Variants in TTLL13 observed in about 807,000 individuals in gnomAD.
TTLL13 encodes tubulin polyglutamylase TTLL13.
chr15:90,258,691 C>T, the TTLL13 span: 4 of 1,506,430 alleles, frequency 2.7e-6, no homozygotes, highest in South Asian at 4.5e-5. Flanking sequence ...CAAGAGGCCA[C>T]CACCTGCTCA....
chr15:90,259,038 T>C, the TTLL13 span: 14 of 1,573,576 alleles, frequency 8.9e-6, no homozygotes, highest in Non-Finnish European at 1.2e-5. Flanking sequence ...AAACAACTTT[T>C]TGCATAGATA....
At chr15:90,262,407 T>A in the TTLL13 span, 1 of 1,360,790 alleles carries the variant, frequency 7.3e-7, no homozygotes, top group South Asian at 1.6e-5. Flanking sequence ...TGTAATTTCC[T>A]GCTCTTTCCT....
chr15:90,256,988 T>C, the TTLL13 span: 3 of 768,266 alleles, frequency 3.9e-6, no homozygotes, highest in Middle Eastern at 2.5e-4. Context: ...GCCTGGCCTC[T>C]CCTCATTTAT....
chr15:90,261,067 C>CT, the TTLL13 span, among the ~76,000 whole-genome samples: 2 of 150,720 alleles, frequency 1.3e-5, no homozygotes, highest in Non-Finnish European at 1.5e-5. Context: ...CGTATATTAC[C>CT]TTTTTTTCTT....
the TTLL13 span, chr15:90,258,856 G>T: frequency 6.2e-7 from 1 of 1,614,212 alleles, no homozygotes. Flanking sequence ...ACAAAAGGAA[G>T]GTGATGGAGG....
chr15:90,258,301 A>G, the TTLL13 span: 1 of 1,602,274 alleles, frequency 6.2e-7, no homozygotes, highest in Non-Finnish European at 8.6e-7. Flanking sequence ...TTGCAAAACC[A>G]AGGTCCAGAG....
At chr15:90,258,285 T>TC in the TTLL13 span, 3 of 1,612,432 alleles carry the variant, frequency 1.9e-6, no homozygotes, top group Admixed American at 5.0e-5. Context: ...GATTATCTCC[T>TC]AGGCTTTGCA....
the TTLL13 span, among the ~76,000 whole-genome samples, chr15:90,255,044 A>G: frequency 6.6e-6 from 1 of 152,228 alleles, no homozygotes; most frequent in Non-Finnish European, 1.5e-5. Context: ...GAGTGCGGCC[A>G]GTGATGGGGA....
At chr15:90,258,361 C>T in the TTLL13 span, 1 of 1,099,754 alleles carries the variant, frequency 9.1e-7, no homozygotes. Context: ...GGTGGTGGAA[C>T]ACAGAATGGG....
chr15:90,256,551 T>C, the TTLL13 span, among the ~76,000 whole-genome samples: 2 of 25,214 alleles, frequency 7.9e-5, no homozygotes, highest in South Asian at 1.9e-3. Flanking sequence ...TCCTTTTTCT[T>C]TCTTTCTTTC....
chr15:90,262,502 G>C, the TTLL13 span: 10 of 1,498,564 alleles, frequency 6.7e-6, no homozygotes, highest in Non-Finnish European at 7.9e-6. Flanking sequence ...GCAGCAACTA[G>C]AGGAGATCCG....
the TTLL13 span, chr15:90,249,768 G>A: frequency 6.6e-6 from 1 of 152,140 alleles, no homozygotes; most frequent in Non-Finnish European, 1.5e-5. Flanking sequence ...AGGCGGCTAG[G>A]GGCGGACCCA....
chr15:90,256,625 CCTTCCTTCCTTCCTT>C, the TTLL13 span, among the ~76,000 whole-genome samples: 4 of 95,272 alleles, frequency 4.2e-5, no homozygotes, highest in African/African-American at 1.8e-4. Flanking sequence ...TTCCTTCCTT[CCTTCCTTCCTTCCTT>C]CTTTCTTTCT....
At chr15:90,251,072 C>G in the TTLL13 span, among the ~76,000 whole-genome samples, 1 of 150,590 alleles carries the variant, frequency 6.6e-6, no homozygotes. Context: ...TTTAGGCTGG[C>G]TCATTTTGGA....
the TTLL13 span, chr15:90,263,228 G>C: frequency 7.8e-7 from 1 of 1,279,178 alleles, no homozygotes; most frequent in African/African-American, 1.5e-5. Flanking sequence ...CAACAAAGGA[G>C]GCTTGTGTGA....
the TTLL13 span, chr15:90,258,016 C>A: frequency 0.28 from 456,950 of 1,609,574 alleles, 72,703 homozygotes; most frequent in East Asian, 0.67. Flanking sequence ...ACTGGCCTTC[C>A]TCTGAGCACT....
At chr15:90,258,542 G>A in the TTLL13 span, 2 of 616,962 alleles carry the variant, frequency 3.2e-6, no homozygotes, top group Non-Finnish European at 5.7e-6. Context: ...TAGAGAGGCA[G>A]GCCAGCTGAT....
At chr15:90,257,612 G>A in the TTLL13 span, 2 of 1,610,742 alleles carry the variant, frequency 1.2e-6, no homozygotes, top group Middle Eastern at 1.7e-4. Context: ...GACAGTCTGA[G>A]ACCACAGGGC....
At chr15:90,255,112 A>G in the TTLL13 span, among the ~76,000 whole-genome samples, 2 of 152,210 alleles carry the variant, frequency 1.3e-5, no homozygotes, top group Admixed American at 6.5e-5. Flanking sequence ...GCAGACAGGA[A>G]AGACCATCCC....
Sources: allele counts gnomAD v4.1 joint callset (sites outside exome capture counted in the v4.1 genomes callset), GRCh38; gene constraint gnomAD v4.1.1; transcripts MANE v1.5; gene names NCBI Gene and HGNC (gene_info 2026-07-23, HGNC 2026-07-21).